Variants in ERC2 observed in about 807,000 individuals in gnomAD.
ERC2 encodes ELKS/RAB6-interacting/CAST family member 2.
In ERC2, 42 loss-of-function variants were observed where a neutral mutation model predicts 114.8. The ratio of observed to expected loss-of-function variants is 0.37; its 90% CI spans 0.29 to 0.47. The LOEUF (loss-of-function observed/expected upper bound fraction) is 0.47. Among genes scored for constraint, ERC2 ranks in the 20% least tolerant of loss-of-function variants. The probability of loss-of-function intolerance (pLI) is 0.99; values close to 1 mark genes in which losing one functional copy is unlikely to be tolerated. For missense variants in ERC2, 939 were observed against 1,150.7 expected (o/e 0.82, Z 2.66); for synonymous variants, 454 against 425.5 (o/e 1.07, Z -0.82).
At chr3:55,847,411 G>A (rs1158957790) in intron 14 of ERC2, among the ~76,000 whole-genome samples, 2 of 152,216 alleles carry the variant, frequency 1.3e-5, no homozygotes, top group Admixed American at 1.3e-4. Context: ...TCATATGCGA[G>A]GGCTTGAAAT....
intron 3 of ERC2, among the ~76,000 whole-genome samples, chr3:56,224,555 G>T (rs2050130123): frequency 6.6e-6 from 1 of 152,046 alleles, no homozygotes; most frequent in Non-Finnish European, 1.5e-5. Context: ...CTTTGTCATG[G>T]CATATGACAA....
intron 6 of ERC2, among the ~76,000 whole-genome samples, chr3:56,100,375 G>A (rs1161558790): frequency 6.6e-6 from 1 of 152,042 alleles, no homozygotes; most frequent in African/African-American, 2.4e-5. Flanking sequence ...TGACCACTAA[G>A]CAAGCAAGAA....
At chr3:56,396,395 T>C (rs2060307250) in intron 2 of ERC2, among the ~76,000 whole-genome samples, 1 of 152,188 alleles carries the variant, frequency 6.6e-6, no homozygotes, top group East Asian at 1.9e-4. Context: ...CAAGAATCAC[T>C]TGAGCCCAGG....
chr3:55,589,371 T>C (rs926245255), intron 17 of ERC2, among the ~76,000 whole-genome samples: 1 of 152,004 alleles, frequency 6.6e-6, no homozygotes, highest in East Asian at 1.9e-4. Context: ...TCTGTGAGAA[T>C]TGGAAAAAGG....
At chr3:55,585,082 C>A (rs765962620) in intron 17 of ERC2, among the ~76,000 whole-genome samples, 1 of 152,216 alleles carries the variant, frequency 6.6e-6, no homozygotes, top group Non-Finnish European at 1.5e-5. Context: ...CTGCTGCTTC[C>A]GCTGTGGTCC....
At chr3:55,832,128 A>G (rs970576854) in intron 14 of ERC2, among the ~76,000 whole-genome samples, 1 of 152,222 alleles carries the variant, frequency 6.6e-6, no homozygotes, top group Non-Finnish European at 1.5e-5. Context: ...GGAGCCCACC[A>G]CAACTCAAGG....
intron 2 of ERC2, among the ~76,000 whole-genome samples, chr3:56,408,046 C>T (rs1222051578): frequency 6.6e-6 from 1 of 152,138 alleles, no homozygotes; most frequent in Non-Finnish European, 1.5e-5. Context: ...TCCTTCAAAG[C>T]GTCACACATT....
At chr3:55,687,660 C>T (rs1438068090) in intron 16 of ERC2, among the ~76,000 whole-genome samples, 3 of 152,174 alleles carry the variant, frequency 2.0e-5, no homozygotes, top group Non-Finnish European at 2.9e-5. Flanking sequence ...TCTTCAGACT[C>T]GCCTCCACCC....
intron 17 of ERC2, among the ~76,000 whole-genome samples, chr3:55,545,078 G>A (rs2054650687): frequency 6.6e-6 from 1 of 152,130 alleles, no homozygotes; most frequent in South Asian, 2.1e-4. Flanking sequence ...GGCTGTATAA[G>A]TGCTTTCTCC....
intron 12 of ERC2, among the ~76,000 whole-genome samples, chr3:55,978,434 G>A (rs989091305): frequency 6.6e-6 from 1 of 152,144 alleles, no homozygotes; most frequent in Non-Finnish European, 1.5e-5. Context: ...TCTCTCAATG[G>A]CTTGGGAGAA....
chr3:55,583,497 T>TTCCCTCCTTCCC (rs2057403069), intron 17 of ERC2, among the ~76,000 whole-genome samples: 1 of 14,404 alleles, frequency 6.9e-5, no homozygotes, highest in African/African-American at 4.0e-4. Context: ...CCCTCTCTCC[T>TTCCCTCCTTCCC]TCCCTCCCTC....
chr3:55,706,696 G>A (rs815428), intron 15 of ERC2, among the ~76,000 whole-genome samples: 81,179 of 152,008 alleles, frequency 0.53, 22,776 homozygotes, highest in South Asian at 0.73. Context: ...ACAGGCGTGA[G>A]CTACCTCACC....
intron 12 of ERC2, among the ~76,000 whole-genome samples, chr3:55,975,825 A>G (rs2149492764): frequency 6.6e-6 from 1 of 152,194 alleles, no homozygotes; most frequent in East Asian, 1.9e-4. Context: ...CATGCCTTCT[A>G]TCTTCCTACC....
chr3:56,259,902 C>A (rs188592094), intron 3 of ERC2, among the ~76,000 whole-genome samples: 1 of 152,228 alleles, frequency 6.6e-6, no homozygotes, highest in East Asian at 1.9e-4. Context: ...CTGATGTTAC[C>A]ACATAGACCC....
chr3:55,954,706 A>T (rs2067820606), intron 12 of ERC2, among the ~76,000 whole-genome samples: 1 of 152,208 alleles, frequency 6.6e-6, no homozygotes, highest in African/African-American at 2.4e-5. Flanking sequence ...TAGCTCTCTC[A>T]TATTGGTCAG....
intron 13 of ERC2, among the ~76,000 whole-genome samples, chr3:55,949,081 C>A (rs182427884): frequency 6.6e-6 from 1 of 152,208 alleles, no homozygotes; most frequent in Admixed American, 6.5e-5. Context: ...AAGTTCTGGG[C>A]CCACCTGGAC....
chr3:56,445,732 T>A (rs535454903), intron 1 of ERC2, among the ~76,000 whole-genome samples: 13 of 152,280 alleles, frequency 8.5e-5, no homozygotes, highest in African/African-American at 2.9e-4. Context: ...GCTGCTCCAA[T>A]GCATCAAGTC....
intron 11 of ERC2, among the ~76,000 whole-genome samples, chr3:55,990,523 CA>C (rs2070980525): frequency 6.6e-6 from 1 of 152,038 alleles, no homozygotes; most frequent in Non-Finnish European, 1.5e-5. Flanking sequence ...CTCCTGGACT[CA>C]AGTGATCCTC....
chr3:56,388,927 T>A (rs1255509754), intron 2 of ERC2, among the ~76,000 whole-genome samples: 1 of 152,044 alleles, frequency 6.6e-6, no homozygotes, highest in African/African-American at 2.4e-5. Context: ...AAAATCAACA[T>A]TAATTATATT....
Sources: gnomAD v4.1 joint callset for allele counts (sites outside exome capture counted in the v4.1 genomes callset) on GRCh38, gnomAD v4.1.1 for gene constraint, MANE v1.5 for transcripts, NCBI Gene and HGNC (gene_info 2026-07-23, HGNC 2026-07-21) for gene names.